Variants in CADPS2 observed in about 807,000 individuals in gnomAD.
The protein encoded by CADPS2 is calcium-dependent secretion activator 2.
Under a neutral mutation model 172.5 loss-of-function variants are expected in CADPS2, and 93 were observed. The ratio of observed to expected loss-of-function variants is 0.54; its 90% CI spans 0.46 to 0.64. The LOEUF is 0.64. Among genes scored for constraint, CADPS2 ranks in the 30% least tolerant of loss-of-function variants. The probability of loss-of-function intolerance (pLI) is 0.00; values close to 1 mark genes in which losing one functional copy is unlikely to be tolerated. For synonymous variants in CADPS2, 546 were observed against 555.2 expected, an observed-to-expected ratio of 0.98 and a Z score of 0.23; for missense variants, 1,420 against 1,565.9, an observed-to-expected ratio of 0.91 and a Z score of 1.57.
rs531566529 is a variant in CADPS2 at position 122,692,109 on chromosome 7, C to A, written c.454-28540G>T. ...TACACTTCCACCTGACTGCAGCAGG[C>A]AATCTGTGAACTGGAATACTCGGGC... On this transcript the variant is annotated intron_variant, in intron 2 of 29. Transcript: ENST00000449022. 5.9e-5 allele frequency among the ~76,000 whole-genome samples: 9 copies of A among 152,296 alleles called. No individual in the cohort carries two copies. The South Asian group carries it at 1.7e-3, about 28-fold the overall frequency.
chr7:122,565,207 T>G (rs919180252), intron 7 of CADPS2, among the ~76,000 whole-genome samples: 4 of 151,496 alleles, frequency 2.6e-5, no homozygotes, highest in Non-Finnish European at 5.9e-5. Context: ...ACGACTGCAC[T>G]TATACCCCCT....
intron 28 of CADPS2, among the ~76,000 whole-genome samples, chr7:122,342,809 C>T (rs2036982871): frequency 6.6e-6 from 1 of 152,052 alleles, no homozygotes. Flanking sequence ...ATAGGAAATA[C>T]TCTAATTGGA....
intron 3 of CADPS2, among the ~76,000 whole-genome samples, chr7:122,653,199 A>G (rs963192352): frequency 2.0e-5 from 3 of 152,066 alleles, no homozygotes; most frequent in African/African-American, 7.2e-5. Context: ...TGAGCTTCTG[A>G]CTCTTAAGCA....
At chr7:122,627,909 C>T (rs1254455330) in intron 4 of CADPS2, among the ~76,000 whole-genome samples, 2 of 152,126 alleles carry the variant, frequency 1.3e-5, no homozygotes, top group Non-Finnish European at 2.9e-5. Flanking sequence ...AAGTTGCTTG[C>T]TTTCTACTCT....
chr7:122,732,634 G>A (rs2091758078), intron 2 of CADPS2, among the ~76,000 whole-genome samples: 1 of 144,860 alleles, frequency 6.9e-6, no homozygotes. Context: ...TCTTGGGTGG[G>A]GGTGTCTTTG....
intron 2 of CADPS2, among the ~76,000 whole-genome samples, chr7:122,732,990 G>A (rs1292192603): frequency 6.7e-6 from 1 of 149,416 alleles, no homozygotes; most frequent in Non-Finnish European, 1.5e-5. Flanking sequence ...TAATAAATGA[G>A]CAAATTACCA....
chr7:122,512,703 A>G (rs1444292496), intron 9 of CADPS2, among the ~76,000 whole-genome samples: 1 of 152,144 alleles, frequency 6.6e-6, no homozygotes, highest in Non-Finnish European at 1.5e-5. Flanking sequence ...TATGCCAGTT[A>G]GTACAAATAT....
chr7:122,532,446 C>T (rs891322705), intron 8 of CADPS2, among the ~76,000 whole-genome samples: 3 of 152,060 alleles, frequency 2.0e-5, no homozygotes, highest in Non-Finnish European at 4.4e-5. Flanking sequence ...TATTCTAATT[C>T]AGGGGTTTTC....
chr7:122,338,927 A>ATTTTTTT (rs72188819), intron 28 of CADPS2: 1 of 137,796 alleles, frequency 7.3e-6, no homozygotes, highest in African/African-American at 2.7e-5. Flanking sequence ...TGCTAGGCTA[A>ATTTTTTT]TTTTTTTTTT....
intron 9 of CADPS2, among the ~76,000 whole-genome samples, chr7:122,506,776 T>C (rs1376356106): frequency 6.7e-6 from 1 of 149,928 alleles, no homozygotes; most frequent in African/African-American, 2.4e-5. Flanking sequence ...AATTTAATCA[T>C]GAAAAATGAA....
rs76307528 is a variant in CADPS2, at chr7:122,868,582, G to T, written c.339+17417C>A. 3.3e-5 allele frequency among the ~76,000 whole-genome samples: 5 copies of T among 152,264 alleles called. No homozygotes were observed. The East Asian group carries it at 9.7e-4, about 29-fold the overall frequency. ...AGAATATAGAATCCCTGATTGGAAAGAAAGATCTTTTACGCAAGACCACTC... is the reference window on the plus strand; with the variant it reads ...AGAATATAGAATCCCTGATTGGAAATAAAGATCTTTTACGCAAGACCACTC... On this transcript the variant is annotated intron_variant, in intron 1 of 29. Coordinates refer to ENST00000449022, the MANE Select transcript of CADPS2 (RefSeq NM_017954.11).
At chr7:122,436,852 A>G (rs2050704731) in intron 17 of CADPS2, among the ~76,000 whole-genome samples, 1 of 152,134 alleles carries the variant, frequency 6.6e-6, no homozygotes, top group Non-Finnish European at 1.5e-5. Flanking sequence ...TGGCTATAAA[A>G]TACAAAGATA....
At chr7:122,426,650 T>C (rs1190905102) in intron 17 of CADPS2, among the ~76,000 whole-genome samples, 2 of 152,218 alleles carry the variant, frequency 1.3e-5, no homozygotes, top group African/African-American at 4.8e-5. Context: ...TCTAGTTTTG[T>C]ACAATTGGAA....
intron 1 of CADPS2, among the ~76,000 whole-genome samples, chr7:122,831,236 C>A (rs1157542721): frequency 6.6e-6 from 1 of 152,146 alleles, no homozygotes; most frequent in Non-Finnish European, 1.5e-5. Context: ...CAACATCACA[C>A]CATCAAGAAA....
intron 17 of CADPS2, among the ~76,000 whole-genome samples, chr7:122,424,814 T>A (rs1340692624): frequency 1.3e-5 from 2 of 152,130 alleles, no homozygotes; most frequent in Non-Finnish European, 2.9e-5. Context: ...ATCTACAGCA[T>A]TGCTGGCTGC....
intron 2 of CADPS2, among the ~76,000 whole-genome samples, chr7:122,719,989 A>C (rs957969140): frequency 2.6e-5 from 4 of 152,124 alleles, no homozygotes; most frequent in Non-Finnish European, 5.9e-5. Context: ...ATTGGAATGG[A>C]AACTCTAATT....
chr7:122,487,635 G>C (rs2057953855), intron 11 of CADPS2, among the ~76,000 whole-genome samples: 1 of 152,140 alleles, frequency 6.6e-6, no homozygotes, highest in South Asian at 2.1e-4. Flanking sequence ...TTAGAAATTA[G>C]CTTAACCAAG....
intron 24 of CADPS2, among the ~76,000 whole-genome samples, chr7:122,379,968 C>T (rs1044301154): frequency 9.9e-5 from 15 of 151,984 alleles, no homozygotes; most frequent in South Asian, 2.1e-4. Context: ...ACAATATGCT[C>T]GAGCAAGGGC....
chr7:122,366,997 G>T (rs1365826010), intron 25 of CADPS2: 3 of 151,958 alleles, frequency 2.0e-5, no homozygotes, highest in African/African-American at 7.2e-5. Context: ...TCCTTTCATT[G>T]TTCCTCCACA....
Sources: allele counts gnomAD v4.1 joint callset (sites outside exome capture counted in the v4.1 genomes callset), GRCh38; gene constraint gnomAD v4.1.1; transcripts MANE v1.5; gene names NCBI Gene and HGNC (gene_info 2026-07-23, HGNC 2026-07-21).